RTCA: variants seen among roughly 807,000 people sequenced by gnomAD.
RTCA encodes the protein RNA terminal phosphate cyclase domain 1.
RTCA carries 37 observed loss-of-function variants against 46.1 expected under a neutral mutation model. The ratio of observed to expected loss-of-function variants is 0.80; its 90% CI spans 0.62 to 1.06. The LOEUF (loss-of-function observed/expected upper bound fraction) is 1.06. Among genes scored for constraint, RTCA ranks in the 50% least tolerant of loss-of-function variants. The pLI, the probability that RTCA is intolerant of heterozygous loss-of-function variation, is 0.00. For missense variants in RTCA, 435 were observed against 455.5 expected (o/e 0.95, Z 0.41); for synonymous variants, 164 against 158.3 (o/e 1.04, Z -0.27).
At chr1:100,269,381 T>G (rs78423945) in intron 3 of RTCA, among the ~76,000 whole-genome samples, 1 of 114,270 alleles carries the variant, frequency 8.8e-6, no homozygotes, top group African/African-American at 2.9e-5. Context: ...TTTTTTTTTT[T>G]GGTCTCCCAG....
rs1167337145 is a variant in RTCA, at chr1:100,268,175, A to G, written c.170A>G (p.Glu57Gly). 5 of 1,614,188 alleles carry G rather than the reference A, an allele frequency of 3.1e-6. No homozygotes were observed. Among genetic ancestry groups the G allele is most frequent in the Non-Finnish European group, 4.2e-6 (5 of 1,180,030 alleles). The change falls in exon 3 of 11, where the codon GAA (glutamate) becomes GGA (glycine). Residue 57 changes from glutamate to glycine, a missense_variant. Coordinates refer to ENST00000370128, the MANE Select transcript of RTCA (RefSeq NM_003729.4). ...GLRPQHLSGL[E>G]MIRDLCDGQL... ...AGGCCTCAACATTTATCTGGACTGG[A>G]AATGATTCGAGATTTGTGTGATGGG...
At chr1:100,279,085 A>G (rs768440082) in intron 8 of RTCA, among the ~76,000 whole-genome samples, 34 of 152,212 alleles carry the variant, frequency 2.2e-4, no homozygotes, top group Non-Finnish European at 4.9e-4. Flanking sequence ...ACTATCTACA[A>G]CAGTCTTTAG....
chr1:100,268,340 C>T (rs199735964), intron 3 of RTCA, 45 bp downstream of exon 3: 2 of 1,474,144 alleles, frequency 1.4e-6, no homozygotes, highest in East Asian at 2.4e-5. Flanking sequence ...GGGTTTAAGT[C>T]CAGGTTTTGC....
chr1:100,275,581 T>A lies in RTCA; in HGVS notation c.616-18T>A. ...ATCAGTAATTGTTTTATTCTATTTT[T>A]CTGTCTTGCTAAAATAGGTAGCAAA... On this transcript the variant is annotated intron_variant, in intron 6 of 10. Coordinates refer to ENST00000370128, the MANE Select transcript of RTCA (RefSeq NM_003729.4). 1.3e-6 allele frequency: 2 copies of A among 1,580,220 alleles called. No individual in the cohort carries two copies. Among genetic ancestry groups the A allele is most frequent in the Non-Finnish European group, 1.7e-6 (2 of 1,165,218 alleles).
intron 8 of RTCA, among the ~76,000 whole-genome samples, chr1:100,279,218 G>C (rs769402640): frequency 2.6e-5 from 4 of 152,176 alleles, no homozygotes; most frequent in Non-Finnish European, 4.4e-5. Context: ...AATGTGCCAG[G>C]TACTGTGTAC....
At chr1:100,286,454 C>CA (rs754851046) in intron 9 of RTCA, among the ~76,000 whole-genome samples, 10,318 of 44,686 alleles carry the variant, frequency 0.23, 1,417 homozygotes, top group African/African-American at 0.43. Flanking sequence ...GACTCCGTCT[C>CA]AAAAAAAAAA....
rs896354688 is a variant in RTCA, at chr1:100,291,477, A to G, written c.1074A>G (p.Gly358=). ...AKDTYIIECQ[G]IGMTNPNL is the part of the protein sequence containing the mutation. ...ATACTTATATTATTGAATGCCAAGG[A>G]ATTGGGATGACAAATCCAAATCTAT... Residue 358 remains glycine, a synonymous_variant, in exon 11 of 11, where the codon GGA becomes GGG. Transcript: ENST00000370128. 8.1e-6 allele frequency: 13 copies of G among 1,610,634 alleles called. No individual in the cohort carries two copies. The highest frequency in any genetic ancestry group is 9.3e-6 in the Non-Finnish European group (11 of 1,177,862).
chr1:100,284,018 GA>G (rs1219755779), intron 8 of RTCA, among the ~76,000 whole-genome samples: 1 of 150,574 alleles, frequency 6.6e-6, no homozygotes, highest in Non-Finnish European at 1.5e-5. Context: ...CCACTTTGGG[GA>G]AAATTTTATC....
rs1665775309 is a variant in RTCA, at chr1:100,266,400, G to A, written c.25G>A (p.Asp9Asn). 1.9e-6 allele frequency: 3 copies of A among 1,612,210 alleles called. No homozygotes were observed. The highest frequency in any genetic ancestry group is 2.7e-5 in the African/African-American group (2 of 74,862). The change falls in exon 1 of 11, where the codon GAT becomes AAT. Residue 9 changes from aspartate to asparagine, a missense_variant. Coordinates refer to ENST00000370128, the MANE Select transcript of RTCA (RefSeq NM_003729.4). ...CATGGCGGGGCCGCGGGTGGAGGTC[G>A]ATGGCAGCATCATGGAAGGGGTGAG... MAGPRVEV[D>N]GSIMEGGGQI...
At chr1:100,270,435 C>A in intron 3 of RTCA, 122 bp from the exon 4 acceptor site, 1 of 1,170,772 alleles carries the variant, frequency 8.5e-7, no homozygotes, top group Non-Finnish European at 1.2e-6. Context: ...TGGCATATAC[C>A]TGCCTTCACA....
At chr1:100,270,322 G>T (rs1321990885) in intron 3 of RTCA, among the ~76,000 whole-genome samples, 1 of 152,032 alleles carries the variant, frequency 6.6e-6, no homozygotes, top group East Asian at 1.9e-4. Context: ...ACCCAGGTTT[G>T]GTTATCATTT....
intron 4 of RTCA, among the ~76,000 whole-genome samples, chr1:100,272,142 T>G (rs1041446437): frequency 3.9e-5 from 6 of 152,198 alleles, no homozygotes; most frequent in Admixed American, 1.3e-4. Context: ...CATATACAAG[T>G]TTTTGTGTGA....
At position 100,291,587 on chromosome 1, in the gene RTCA, A is replaced by G; in HGVS notation, c.*83A>G. On this transcript the variant is annotated 3_prime_UTR_variant, in exon 11 of 11. Transcript: ENST00000370128. ...TAAAATAATGACTAGGAAGTAACTT[A>G]TTAAAGGCTATGACTTAAATTTGAA... 1.2e-6 allele frequency: 1 copy of G among 853,390 alleles called. No homozygotes were observed. The highest frequency in any genetic ancestry group is 1.7e-5 in the African/African-American group (1 of 58,234). 52.9% of individuals were successfully genotyped at this position (853,390 alleles called of 1,614,324 possible). A position where few individuals can be genotyped will look rare whatever the true frequency, so the allele number is the denominator to read the frequency against.
At chr1:100,271,044 C>T (rs1335243761) in intron 4 of RTCA, among the ~76,000 whole-genome samples, 1 of 151,864 alleles carries the variant, frequency 6.6e-6, no homozygotes, top group Non-Finnish European at 1.5e-5. Flanking sequence ...ATCCTCCCAC[C>T]TCAGCCTCCC....
At chr1:100,266,734 C>A in intron 2 of RTCA, 110 bp downstream of exon 2, 1 of 923,336 alleles carries the variant, frequency 1.1e-6, no homozygotes, top group Non-Finnish European at 1.7e-6. Flanking sequence ...AGGTCCCAGA[C>A]GCAGGTATGG....
At chr1:100,273,626 G>A (rs757667961) in intron 5 of RTCA, among the ~76,000 whole-genome samples, 174 bp downstream of exon 5, 11 of 152,178 alleles carry the variant, frequency 7.2e-5, no homozygotes, top group Non-Finnish European at 1.2e-4. Flanking sequence ...ATGGGGACTC[G>A]AGAGCAGCTA....
chr1:100,270,292 G>A (rs1666012693), intron 3 of RTCA, among the ~76,000 whole-genome samples: 1 of 152,128 alleles, frequency 6.6e-6, no homozygotes, highest in Non-Finnish European at 1.5e-5. Context: ...CACAGCTAAT[G>A]TGTTTAGTTG....
At chr1:100,267,615 C>T in intron 2 of RTCA, 1 of 1,425,246 alleles carries the variant, frequency 7.0e-7, no homozygotes, top group African/African-American at 1.4e-5. Flanking sequence ...GGTGGTTCCT[C>T]TGTGTACCTT....
At chr1:100,270,027 T>C (rs889630025) in intron 3 of RTCA, among the ~76,000 whole-genome samples, 1 of 152,210 alleles carries the variant, frequency 6.6e-6, no homozygotes, top group Non-Finnish European at 1.5e-5. Context: ...CATTCTCTTT[T>C]ATGGCTGCGT....
Sources: gnomAD v4.1 joint callset for allele counts (sites outside exome capture counted in the v4.1 genomes callset) on GRCh38, gnomAD v4.1.1 for gene constraint, MANE v1.5 for transcripts, NCBI Gene and HGNC (gene_info 2026-07-23, HGNC 2026-07-21) for gene names.